Variants in ANKHD1 observed in about 807,000 individuals in gnomAD.
ANKHD1 encodes the protein ankyrin repeat and KH domain-containing protein 1.
In ANKHD1, 31 loss-of-function variants were observed where a neutral mutation model predicts 230.5. That is an observed-to-expected ratio of 0.13 (90% confidence interval 0.10 to 0.18). The LOEUF is 0.18. ANKHD1 is among the 10% of genes least tolerant of loss of function. The pLI, the probability that ANKHD1 is intolerant of heterozygous loss-of-function variation, is 1.00. For missense variants in ANKHD1, 2,256 were observed against 3,071.3 expected (o/e 0.73, Z 6.27); for synonymous variants, 1,074 against 1,117.6 (o/e 0.96, Z 0.78).
At chr5:140,443,030 C>T (rs566753587) in intron 5 of ANKHD1, among the ~76,000 whole-genome samples, 3 of 152,004 alleles carry the variant, frequency 2.0e-5, no homozygotes, top group African/African-American at 7.2e-5. Flanking sequence ...CTCAGCCTCC[C>T]TAGTAGCTGG....
At chr5:140,452,114 C>A (rs1168369303) in intron 7 of ANKHD1, among the ~76,000 whole-genome samples, 1 of 152,180 alleles carries the variant, frequency 6.6e-6, no homozygotes, top group African/African-American at 2.4e-5. Flanking sequence ...CACGGAGCCT[C>A]CCTCATTGCT....
chr5:140,460,586 A>G (rs1775631403), intron 9 of ANKHD1, among the ~76,000 whole-genome samples: 1 of 152,138 alleles, frequency 6.6e-6, no homozygotes. Context: ...AGTGGTGTGA[A>G]TATGTTCCAC....
At position 140,449,201 on chromosome 5, in the gene ANKHD1, T is replaced by C; in HGVS notation, c.1148-10T>C. 1 of 1,599,940 alleles carries C rather than the reference T, an allele frequency of 6.3e-7. No homozygotes were observed. The highest frequency in any genetic ancestry group is 2.3e-5 in the East Asian group (1 of 44,430). ...TGAATTCTTTTAAAATTTTTGTTCC[T>C]TTTTTCAAGGCCATTTGGATATGGT... On this transcript the variant is annotated splice_polypyrimidine_tract_variant and intron_variant, in intron 6 of 33. Coordinates refer to ENST00000360839, the MANE Select transcript of ANKHD1 (RefSeq NM_017747.3).
In ANKHD1 at chr5:140,507,385, G is replaced by A. The variant is rs1166457959; in HGVS notation, c.3552-400G>A. Among the ~76,000 whole-genome samples the A allele has an allele frequency of 1.3e-5, 2 of 152,288 alleles. No homozygotes were observed. Among genetic ancestry groups the A allele is most frequent in the Middle Eastern group, 3.4e-3 (1 of 294 alleles). On this transcript the variant is annotated intron_variant, in intron 19 of 33. Transcript: ENST00000360839. This position sits in a 1 kb window ranked among gnomAD's most constrained non-coding sequence, Gnocchi z 4.1. ...TGCAATGGCGCGATCTTGGCTTACC[G>A]CGAACTCTGCCTCCGGGGTTCAAGC...
intron 23 of ANKHD1, 110 bp from the exon 24 acceptor site, chr5:140,513,253 A>T: frequency 1.8e-6 from 2 of 1,088,722 alleles, no homozygotes; most frequent in Non-Finnish European, 2.6e-6. Flanking sequence ...AATTTGGTTT[A>T]GTGACTTTTC....
chr5:140,460,168 T>G (rs1036247158), intron 9 of ANKHD1, among the ~76,000 whole-genome samples: 3 of 152,202 alleles, frequency 2.0e-5, no homozygotes, highest in Admixed American at 6.5e-5. Context: ...AATTAATTTA[T>G]TTTTACAGAG....
chr5:140,427,778 T>C (rs1341797566), intron 1 of ANKHD1, among the ~76,000 whole-genome samples: 121 of 109,776 alleles, frequency 1.1e-3, no homozygotes, highest in African/African-American at 1.8e-3. Flanking sequence ...GGGGGGCTGA[T>C]CCCCCCACCT....
chr5:140,477,771 C>T (rs1012123944), intron 10 of ANKHD1, among the ~76,000 whole-genome samples: 1 of 152,148 alleles, frequency 6.6e-6, no homozygotes, highest in African/African-American at 2.4e-5. Context: ...GCCTCCGCGC[C>T]TGGGTAATTT....
chr5:140,402,626 A>T (rs1304692278), intron 1 of ANKHD1, among the ~76,000 whole-genome samples: 1 of 152,160 alleles, frequency 6.6e-6, no homozygotes, highest in Non-Finnish European at 1.5e-5. Flanking sequence ...TGAGAGAGAC[A>T]AACAGAGACA....
At chr5:140,536,282 C>T (rs1234592972) in intron 30 of ANKHD1, among the ~76,000 whole-genome samples, 1 of 152,140 alleles carries the variant, frequency 6.6e-6, no homozygotes, top group Non-Finnish European at 1.5e-5. Flanking sequence ...TTAGTAGAGA[C>T]AGGGTTTCAC....
At chr5:140,444,956 T>C (rs1244624321) in intron 5 of ANKHD1, among the ~76,000 whole-genome samples, 1 of 152,110 alleles carries the variant, frequency 6.6e-6, no homozygotes, top group Non-Finnish European at 1.5e-5. Context: ...TGGGCTGAAG[T>C]GATCCTCCCA....
In ANKHD1 at chr5:140,426,659, T is replaced by C. The variant is rs568665886; in HGVS notation, c.307-9445T>C. Among the ~76,000 whole-genome samples, 387 of 152,232 alleles carry C rather than the reference T, an allele frequency of 2.5e-3. 1 individual carries two copies. The highest frequency in any genetic ancestry group is 0.014 in the Middle Eastern group (4 of 294). On this transcript the variant is annotated intron_variant, in intron 1 of 33. Coordinates refer to ENST00000360839, the MANE Select transcript of ANKHD1 (RefSeq NM_017747.3). ...TCTGGTTTTCCTAGGCAGAGGACCC[T>C]GCGGCCTTCCGCAGTGTTTGTGTCC...
chr5:140,453,467 G>A (rs139201120), intron 7 of ANKHD1, among the ~76,000 whole-genome samples: 1,725 of 152,288 alleles, frequency 0.011, 16 homozygotes, highest in Non-Finnish European at 0.016. Context: ...CAGTGAGAGA[G>A]GTCGGGTTAC....
chr5:140,525,273 G>A (rs906537685), intron 25 of ANKHD1, among the ~76,000 whole-genome samples: 1 of 151,776 alleles, frequency 6.6e-6, no homozygotes, highest in Admixed American at 6.6e-5. Context: ...TTTTTTGTGT[G>A]TTTTTTTGAG....
chr5:140,464,586 AG>A, intron 9 of ANKHD1, 80 bp from the exon 10 acceptor site: 1 of 1,183,702 alleles, frequency 8.4e-7, no homozygotes, highest in Non-Finnish European at 1.1e-6. Context: ...TGAATTCTTC[AG>A]TTTCACCAGA....
intron 1 of ANKHD1, among the ~76,000 whole-genome samples, chr5:140,406,729 T>G (rs761355111): frequency 3.3e-5 from 5 of 151,546 alleles, no homozygotes; most frequent in Non-Finnish European, 5.9e-5. Context: ...GAAATGGGGG[T>G]TTCACCATAT....
At chr5:140,478,518 A>C (rs1482930395) in intron 10 of ANKHD1, among the ~76,000 whole-genome samples, 1 of 152,186 alleles carries the variant, frequency 6.6e-6, no homozygotes, top group Non-Finnish European at 1.5e-5. Context: ...ATAAATTATC[A>C]AAATTGACTC....
Position 140,529,051 on chromosome 5 carries a change from C to T in ANKHD1, c.6105C>T (p.Asp2035=), listed in dbSNP as rs2127088986. 1 of 1,614,018 alleles carries T rather than the reference C, an allele frequency of 6.2e-7. No homozygotes were observed. ...CCAAAGAGAAAGTGTCCACACAGGACCAGCCCATGGCAAACCTATGTACCC... is the reference window on the plus strand; with the variant it reads ...CCAAAGAGAAAGTGTCCACACAGGATCAGCCCATGGCAAACCTATGTACCC... The part of the protein sequence containing the change: ...PPTKEKVSTQ[D]QPMANLCTPS... Residue 2035 remains aspartate (D), a synonymous_variant, in exon 29 of 34, where the codon GAC becomes GAT. Coordinates refer to ENST00000360839, the MANE Select transcript of ANKHD1 (RefSeq NM_017747.3).
intron 10 of ANKHD1, among the ~76,000 whole-genome samples, chr5:140,467,620 T>C (rs1776182637): frequency 6.6e-6 from 1 of 152,026 alleles, no homozygotes; most frequent in African/African-American, 2.4e-5. Context: ...AAAAAGAAAA[T>C]GTGGAAAGTA....
Sources: allele counts gnomAD v4.1 joint callset (sites outside exome capture counted in the v4.1 genomes callset), GRCh38; gene constraint gnomAD v4.1.1; non-coding constraint Gnocchi (gnomAD v3.1); transcripts MANE v1.5; gene names NCBI Gene and HGNC (gene_info 2026-07-23, HGNC 2026-07-21).